The following COX15 variants were observed in gnomAD, a reference collection of about 807,000 sequenced individuals.
COX15 encodes heme A synthase COX15.
COX15 carries 51 observed loss-of-function variants against 51.9 expected under a neutral mutation model. The ratio of observed to expected loss-of-function variants is 0.98; its 90% CI spans 0.78 to 1.24. The LOEUF is 1.24. Ranked by LOEUF, COX15 falls within the 50% of genes most tolerant of loss-of-function variation. The pLI is 0.00. For missense variants in COX15, 420 were observed against 501.1 expected (o/e 0.84, Z 1.55); for synonymous variants, 188 against 190.5 (o/e 0.99, Z 0.11).
At chr10:99,719,887 ATTATT>A (rs2036704725) in intron 6 of COX15, among the ~76,000 whole-genome samples, 1 of 151,926 alleles carries the variant, frequency 6.6e-6, no homozygotes, top group Non-Finnish European at 1.5e-5. Context: ...TTGAATCAAT[ATTATT>A]TTTAGTCCAG....
Position 99,729,751 on chromosome 10 carries a change from A to G in COX15, c.91-17T>C. 1.2e-6 allele frequency: 2 copies of G among 1,613,572 alleles called. No homozygotes were observed. The highest frequency in any genetic ancestry group is 1.3e-5 in the African/African-American group (1 of 75,050). On this transcript the variant is annotated splice_polypyrimidine_tract_variant and intron_variant, in intron 1 of 8. Transcript: ENST00000016171. ...GCAATCACACTAAAGATCAAGATAG[A>G]CAAATTACAACTGGAGAAACAGGGA...
downstream of COX15, chr10:99,710,126 C>G: frequency 1.0e-6 from 1 of 985,434 alleles, no homozygotes; most frequent in Non-Finnish European, 1.2e-6. Flanking sequence ...TGTATACCCT[C>G]TGGTGGCCAC....
the COX15 span, among the ~76,000 whole-genome samples, chr10:99,695,277 C>A: frequency 6.6e-6 from 1 of 151,906 alleles, no homozygotes; most frequent in East Asian, 1.9e-4. Flanking sequence ...GTAATCCCAG[C>A]ACTTTGGGAG....
chr10:99,699,884 C>T, the COX15 span, among the ~76,000 whole-genome samples: 1 of 151,512 alleles, frequency 6.6e-6, no homozygotes, highest in African/African-American at 2.4e-5. Flanking sequence ...TATTTCCCTC[C>T]CTCCCTCCCT....
In COX15 at chr10:99,711,578, C is replaced by T. The variant is rs1367467087; in HGVS notation, c.*3009G>A. On this transcript the variant is annotated 3_prime_UTR_variant, in exon 9 of 9. Coordinates refer to ENST00000016171, the MANE Select transcript of COX15 (RefSeq NM_078470.6). ...GCTATTAGGACCTAAGCCAGTGGTC[C>T]CTAGACTTGTCTGCACATTGGAATC... The T allele has an allele frequency of 1.0e-6, 1 of 985,208 alleles. No individual in the cohort carries two copies. The allele number at this position is 985,208 out of a possible 1,614,324, so 61.0% of individuals were successfully genotyped here. A position where few individuals can be genotyped will look rare whatever the true frequency, so the allele number is the denominator to read the frequency against.
the COX15 span, chr10:99,698,760 A>G: frequency 6.2e-7 from 1 of 1,614,254 alleles, no homozygotes; most frequent in Non-Finnish European, 8.5e-7. Context: ...CTTCAACAAC[A>G]GCGAGTTCTA....
the COX15 span, chr10:99,698,719 C>T: frequency 2.4e-5 from 38 of 1,614,198 alleles, no homozygotes; most frequent in Admixed American, 4.5e-4. Flanking sequence ...AGCCAGGCCT[C>T]ACTCAATGGC....
At chr10:99,701,434 C>T in the COX15 span, among the ~76,000 whole-genome samples, 60 of 151,846 alleles carry the variant, frequency 4.0e-4, 1 homozygote, top group Admixed American at 3.1e-3. Flanking sequence ...ACTATAGGCA[C>T]GTGCCACCAT....
chr10:99,718,128 A>G (rs566680604), intron 7 of COX15, among the ~76,000 whole-genome samples: 1 of 151,904 alleles, frequency 6.6e-6, no homozygotes, highest in South Asian at 2.1e-4. Context: ...AACGTCCTGA[A>G]AGCTAGAATT....
the COX15 span, chr10:99,701,152 G>A: frequency 9.0e-7 from 1 of 1,106,778 alleles, no homozygotes. Flanking sequence ...TAGATTTCAT[G>A]TTGAGGGAGC....
At chr10:99,700,186 C>T in the COX15 span, among the ~76,000 whole-genome samples, 1 of 152,132 alleles carries the variant, frequency 6.6e-6, no homozygotes, top group Non-Finnish European at 1.5e-5. Flanking sequence ...CCCTTGAACA[C>T]CAAAAGGCTC....
intron 2 of COX15, among the ~76,000 whole-genome samples, chr10:99,728,645 C>G (rs2037038415): frequency 6.6e-6 from 1 of 152,184 alleles, no homozygotes; most frequent in South Asian, 2.1e-4. Flanking sequence ...CACGAATGTT[C>G]TATTCACCTA....
In COX15 at chr10:99,732,004, G is replaced by A; in HGVS notation, c.46C>T (p.Gln16Ter). ...FPPLRALKGR[Q>*]YLPLLAPRAA... is the part of the protein sequence containing the mutation. ...CTAGGAGCCAGGAGCGGCAGATACT[G>A]CCTCCCCTTCAAGGCCCTCAACGGC... is the stretch of plus-strand genomic sequence containing the variant. Residue 16 changes from glutamine (Q) to a stop codon, truncating the protein, a stop_gained, in exon 1 of 9, where the codon CAG becomes TAG. Transcript: ENST00000016171. LOFTEE classifies it high-confidence loss of function. 6.2e-7 allele frequency: 1 copy of A among 1,613,072 alleles called. No homozygotes were observed.
chr10:99,723,338 C>T (rs560831927), intron 5 of COX15, among the ~76,000 whole-genome samples: 1 of 152,136 alleles, frequency 6.6e-6, no homozygotes, highest in Non-Finnish European at 1.5e-5. Flanking sequence ...GATGGGGTTT[C>T]TCCAGGTTGG....
intron 7 of COX15, 33 bp downstream of exon 7, chr10:99,718,313 G>A: frequency 6.2e-7 from 1 of 1,613,214 alleles, no homozygotes; most frequent in Non-Finnish European, 8.5e-7. Flanking sequence ...AGGCTCCTGT[G>A]CTCTCTGGCA....
At chr10:99,709,767 T>C (rs200422911), downstream of COX15, 2 of 985,218 alleles carry the variant, frequency 2.0e-6, no homozygotes, top group Non-Finnish European at 1.2e-6. Context: ...CCTAATAGAC[T>C]TCTCTTGTGT....
At chr10:99,702,631 C>T in the COX15 span, 54 of 1,613,248 alleles carry the variant, frequency 3.3e-5, no homozygotes, top group East Asian at 4.5e-4. Flanking sequence ...GTTCAGTGGA[C>T]GCTGGGAGCC....
At chr10:99,727,215 C>T in intron 3 of COX15, 61 bp from the exon 4 acceptor site, 1 of 1,581,704 alleles carries the variant, frequency 6.3e-7, no homozygotes, top group Non-Finnish European at 8.7e-7. Context: ...TTTTTATTTT[C>T]TTACGGAATG....
the COX15 span, among the ~76,000 whole-genome samples, chr10:99,702,848 C>T: frequency 6.6e-6 from 1 of 152,314 alleles, no homozygotes; most frequent in East Asian, 1.9e-4. Context: ...ACTGTTACTA[C>T]CAGGCATGCT....
Sources: allele counts gnomAD v4.1 joint callset (sites outside exome capture counted in the v4.1 genomes callset), GRCh38; gene constraint gnomAD v4.1.1; transcripts MANE v1.5; gene names NCBI Gene and HGNC (gene_info 2026-07-23, HGNC 2026-07-21).